Variants in PPP3CA observed in about 807,000 individuals in gnomAD.
PPP3CA encodes the protein CAM-PRP catalytic subunit.
Under a neutral mutation model 66.5 loss-of-function variants are expected in PPP3CA, and 14 were observed. The observed-to-expected ratio is 0.21, with a 90% CI of 0.14 to 0.33. The LOEUF (loss-of-function observed/expected upper bound fraction) is 0.33, where lower values mean the gene tolerates loss of function less well. Among genes scored for constraint, PPP3CA ranks in the 10% least tolerant of loss-of-function variants. PPP3CA has a pLI of 1.00. For missense variants in PPP3CA, 317 were observed against 639.5 expected, an observed-to-expected ratio of 0.50 and a Z score of 5.44; for synonymous variants, 232 against 226.2, an observed-to-expected ratio of 1.03 and a Z score of -0.23.
intron 11 of PPP3CA, among the ~76,000 whole-genome samples, chr4:101,035,922 C>A (rs1375868016): frequency 6.6e-6 from 1 of 152,194 alleles, no homozygotes; most frequent in Non-Finnish European, 1.5e-5. Flanking sequence ...TTCTCCTTCT[C>A]TGACATCTTT....
rs142874132 is a variant in PPP3CA, at chr4:101,039,696, G to A, written c.1241+786C>T. On this transcript the variant is annotated intron_variant, in intron 11 of 13. Transcript: ENST00000394854. ...AATAGCAAGAGGAGAAATCAAAAGAGCCAGTGTCGATACTCTATGAGAAAG... is the reference window on the plus strand; with the variant it reads ...AATAGCAAGAGGAGAAATCAAAAGAACCAGTGTCGATACTCTATGAGAAAG... 4.2e-5 allele frequency among the ~76,000 whole-genome samples: 6 copies of A among 144,194 alleles called. No homozygotes were observed. The East Asian group carries it at 7.7e-4, about 19-fold the overall frequency. 94.6% of individuals were successfully genotyped at this position (144,194 alleles called of 152,430 possible).
intron 1 of PPP3CA, among the ~76,000 whole-genome samples, chr4:101,219,985 A>T (rs986385838): frequency 6.6e-6 from 1 of 151,830 alleles, no homozygotes; most frequent in African/African-American, 2.4e-5. Context: ...GTACTTAATC[A>T]TAAGGTTTGA....
At chr4:101,319,170 GAA>G (rs752226737) in intron 1 of PPP3CA, among the ~76,000 whole-genome samples, 14 of 88,954 alleles carry the variant, frequency 1.6e-4, no homozygotes, top group Admixed American at 2.5e-4. Flanking sequence ...ATACCATATT[GAA>G]AAAAAAAAAA....
chr4:101,136,135 C>T (rs922828082), intron 2 of PPP3CA, among the ~76,000 whole-genome samples: 1 of 152,184 alleles, frequency 6.6e-6, no homozygotes, highest in African/African-American at 2.4e-5. Flanking sequence ...GAATCTTTAT[C>T]ATACTTTATA....
chr4:101,343,698 T>A (rs544746816), intron 1 of PPP3CA, among the ~76,000 whole-genome samples: 1 of 152,244 alleles, frequency 6.6e-6, no homozygotes, highest in South Asian at 2.1e-4. Flanking sequence ...ACTTTTCATC[T>A]CCACTGCCAT....
chr4:101,233,495 T>C (rs1422267541), intron 1 of PPP3CA, among the ~76,000 whole-genome samples: 1 of 151,816 alleles, frequency 6.6e-6, no homozygotes, highest in Non-Finnish European at 1.5e-5. Context: ...ATAATGTTTA[T>C]TTTGTTCGCA....
At chr4:101,322,841 GA>G (rs1311688650) in intron 1 of PPP3CA, among the ~76,000 whole-genome samples, 1 of 151,420 alleles carries the variant, frequency 6.6e-6, no homozygotes, top group South Asian at 2.1e-4. Flanking sequence ...AGACAACTGT[GA>G]AAAAAAGGTA....
intron 2 of PPP3CA, among the ~76,000 whole-genome samples, chr4:101,194,419 C>A (rs1463142986): frequency 2.6e-5 from 4 of 151,980 alleles, no homozygotes; most frequent in African/African-American, 7.3e-5. Context: ...CCCTTTATAT[C>A]AAAAAGAACA....
intron 1 of PPP3CA, among the ~76,000 whole-genome samples, chr4:101,214,740 C>A (rs1725405911): frequency 6.6e-6 from 1 of 152,050 alleles, no homozygotes; most frequent in African/African-American, 2.4e-5. Context: ...CCACCAAAAT[C>A]ACCTGGGAGA....
intron 1 of PPP3CA, among the ~76,000 whole-genome samples, chr4:101,202,134 G>GT (rs1469992669): frequency 1.4e-4 from 22 of 152,202 alleles, no homozygotes; most frequent in Admixed American, 4.6e-4. Flanking sequence ...CTATCCTAAG[G>GT]TTATGTCTGA....
At position 101,098,397 on chromosome 4, in the gene PPP3CA, T is replaced by C. The variant is rs1174653059; in HGVS notation, c.612A>G (p.Pro204=). 1 of 1,610,092 alleles carries C rather than the reference T, an allele frequency of 6.2e-7. No homozygotes were observed. The highest frequency in any genetic ancestry group is 1.3e-5 in the African/African-American group (1 of 74,726). The part of the protein sequence containing the change: ...QFLCVHGGLS[P]EINTLDDIRK... ...TGATATCATCTAAAGTGTTAATCTC[T>C]GGAGACAAACCACCATGCACACACA... The change falls in exon 5 of 14, where the codon CCA becomes CCG. Residue 204 remains proline, a synonymous_variant. Transcript: ENST00000394854.
At chr4:101,221,963 A>C (rs1027641445) in intron 1 of PPP3CA, among the ~76,000 whole-genome samples, 3 of 151,636 alleles carry the variant, frequency 2.0e-5, no homozygotes, top group Admixed American at 2.0e-4. Flanking sequence ...AATAGGAGAT[A>C]TCAAATCAGT....
At chr4:101,340,630 T>TA (rs1474069802) in intron 1 of PPP3CA, among the ~76,000 whole-genome samples, 2 of 152,194 alleles carry the variant, frequency 1.3e-5, no homozygotes, top group African/African-American at 4.8e-5. Context: ...GGAATTATTG[T>TA]AAAATAAAAT....
intron 2 of PPP3CA, among the ~76,000 whole-genome samples, chr4:101,177,941 T>A (rs1200960417): frequency 2.0e-5 from 3 of 152,094 alleles, no homozygotes; most frequent in Non-Finnish European, 4.4e-5. Flanking sequence ...TATATATCCA[T>A]CCATTTACAG....
chr4:101,140,011 T>A (rs906272012), intron 2 of PPP3CA, among the ~76,000 whole-genome samples: 6 of 152,206 alleles, frequency 3.9e-5, no homozygotes, highest in Admixed American at 3.3e-4. Flanking sequence ...TTATCTCTTT[T>A]ACATTGCTTT....
chr4:101,097,999 TATG>T (rs1402455499), intron 5 of PPP3CA, among the ~76,000 whole-genome samples: 1 of 152,338 alleles, frequency 6.6e-6, no homozygotes. Flanking sequence ...ATGGTTATGT[TATG>T]ATATTTTCCC....
intron 1 of PPP3CA, among the ~76,000 whole-genome samples, chr4:101,336,154 G>C (rs914824236): frequency 1.3e-5 from 2 of 151,570 alleles, no homozygotes; most frequent in Admixed American, 6.6e-5. Flanking sequence ...GGCGGAGCTT[G>C]CAATGAGCCA....
At chr4:101,286,634 G>A (rs1016729602) in intron 1 of PPP3CA, among the ~76,000 whole-genome samples, 1 of 152,180 alleles carries the variant, frequency 6.6e-6, no homozygotes, top group African/African-American at 2.4e-5. Flanking sequence ...CATAGCATCT[G>A]CTAGCCATAA....
chr4:101,341,007 T>C (rs1729796186), intron 1 of PPP3CA, among the ~76,000 whole-genome samples: 1 of 152,184 alleles, frequency 6.6e-6, no homozygotes, highest in African/African-American at 2.4e-5. Flanking sequence ...TATTTCTTTA[T>C]AAACCTCAGG....
Sources: allele counts gnomAD v4.1 joint callset (sites outside exome capture counted in the v4.1 genomes callset), GRCh38; gene constraint gnomAD v4.1.1; transcripts MANE v1.5; gene names NCBI Gene and HGNC (gene_info 2026-07-23, HGNC 2026-07-21).